The following LRRTM4 variants were observed in gnomAD, a reference collection of about 807,000 sequenced individuals.
LRRTM4 encodes the protein leucine rich repeat transmembrane neuronal 4.
A neutral mutation model predicts 47.6 loss-of-function variants in LRRTM4; 25 were observed. The observed-to-expected ratio is 0.53, with a 90% confidence interval of 0.38 to 0.73. The LOEUF is 0.73. Ranked by LOEUF, LRRTM4 falls within the 30% of genes least tolerant of loss-of-function variation. The pLI, the probability that LRRTM4 is intolerant of heterozygous loss-of-function variation, is 0.00. For synonymous variants in LRRTM4, 311 were observed against 269.5 expected (o/e 1.15, Z -1.51); for missense variants, 638 against 713.4 (o/e 0.89, Z 1.20).
At chr2:77,025,236 T>G (rs867108441) in intron 3 of LRRTM4, among the ~76,000 whole-genome samples, 4 of 152,278 alleles carry the variant, frequency 2.6e-5, no homozygotes, top group South Asian at 2.1e-4. Context: ...TACAGGCTGT[T>G]GATAATCCTT....
At chr2:77,429,073 C>A (rs1172729708) in intron 3 of LRRTM4, among the ~76,000 whole-genome samples, 1 of 152,024 alleles carries the variant, frequency 6.6e-6, no homozygotes, top group Non-Finnish European at 1.5e-5. Flanking sequence ...AGTGGGAGTA[C>A]ACAGTAAATT....
At chr2:77,040,151 TAA>T (rs1405479139) in intron 3 of LRRTM4, among the ~76,000 whole-genome samples, 2 of 151,274 alleles carry the variant, frequency 1.3e-5, no homozygotes, top group East Asian at 3.9e-4. Context: ...TGAATCCATA[TAA>T]AACTATTGAG....
chr2:77,215,214 A>G (rs1674402357), intron 3 of LRRTM4, among the ~76,000 whole-genome samples: 1 of 152,200 alleles, frequency 6.6e-6, no homozygotes, highest in African/African-American at 2.4e-5. Flanking sequence ...CACATTTATG[A>G]GAGACAAAAA....
In LRRTM4 at chr2:76,797,260, G is replaced by A. The variant is rs558382164; in HGVS notation, c.1552-48344C>T. Among the ~76,000 whole-genome samples the A allele has an allele frequency of 7.0e-3, 1,068 of 152,130 alleles. 12 individuals are homozygous for A. The highest frequency in any genetic ancestry group is 0.024 in the African/African-American group (991 of 41,512). ...AAGGGAAGCCCATCAGACAAACAGCGGATCTCTCAGCAGAAACCCTACAAG... is the reference window on the plus strand; with the variant it reads ...AAGGGAAGCCCATCAGACAAACAGCAGATCTCTCAGCAGAAACCCTACAAG... On this transcript the variant is annotated intron_variant, in intron 3 of 3. Coordinates refer to ENST00000409884, the MANE Select transcript of LRRTM4 (RefSeq NM_001134745.3).
At chr2:76,764,859 C>T (rs1673395504) in intron 3 of LRRTM4, among the ~76,000 whole-genome samples, 2 of 152,152 alleles carry the variant, frequency 1.3e-5, no homozygotes, top group Admixed American at 1.3e-4. Context: ...TCTGGGCTGC[C>T]CCTCCCACCA....
chr2:76,873,700 C>T (rs929442228), intron 3 of LRRTM4, among the ~76,000 whole-genome samples: 2 of 151,382 alleles, frequency 1.3e-5, no homozygotes, highest in Non-Finnish European at 2.9e-5. Context: ...TTCTGGGTAA[C>T]ATTTTACCAA....
chr2:77,415,572 T>C (rs982824562), intron 3 of LRRTM4, among the ~76,000 whole-genome samples: 1 of 152,202 alleles, frequency 6.6e-6, no homozygotes, highest in Non-Finnish European at 1.5e-5. Context: ...TTGCACATAC[T>C]GTTCATTTTG....
At chr2:76,874,874 G>C (rs1445764797) in intron 3 of LRRTM4, among the ~76,000 whole-genome samples, 1 of 151,244 alleles carries the variant, frequency 6.6e-6, no homozygotes, top group African/African-American at 2.5e-5. Flanking sequence ...AGTAGCCTTA[G>C]CTCTCATGTT....
chr2:77,073,354 A>C (rs185175624), intron 3 of LRRTM4, among the ~76,000 whole-genome samples: 81 of 152,012 alleles, frequency 5.3e-4, no homozygotes, highest in Non-Finnish European at 9.4e-4. Flanking sequence ...AATTCTTCTT[A>C]CTTAGTGTAA....
chr2:76,762,936 C>T (rs1673310170), intron 3 of LRRTM4, among the ~76,000 whole-genome samples: 1 of 152,066 alleles, frequency 6.6e-6, no homozygotes, highest in South Asian at 2.1e-4. Flanking sequence ...ACTTCTATCC[C>T]CTTGATGGGT....
chr2:77,017,645 A>G (rs1165681366), intron 3 of LRRTM4, among the ~76,000 whole-genome samples: 2 of 152,164 alleles, frequency 1.3e-5, no homozygotes, highest in South Asian at 4.1e-4. Flanking sequence ...TAAACCAAAT[A>G]CACTTTGTAT....
intron 3 of LRRTM4, among the ~76,000 whole-genome samples, chr2:77,416,075 T>G (rs1296726911): frequency 6.6e-6 from 1 of 152,138 alleles, no homozygotes; most frequent in Non-Finnish European, 1.5e-5. Flanking sequence ...TTATTTTCTT[T>G]TCACAGTTCA....
chr2:77,121,901 TTTAAA>T (rs1671530690), intron 3 of LRRTM4, among the ~76,000 whole-genome samples: 1 of 151,870 alleles, frequency 6.6e-6, no homozygotes, highest in African/African-American at 2.4e-5. Flanking sequence ...ATAAATCTGA[TTTAAA>T]TTAATGTCTG....
intron 3 of LRRTM4, among the ~76,000 whole-genome samples, chr2:76,809,271 C>G (rs1670655705): frequency 6.6e-6 from 1 of 152,098 alleles, no homozygotes; most frequent in Non-Finnish European, 1.5e-5. Context: ...AAGCTTTACA[C>G]CTTATAAAAT....
At chr2:77,163,289 GA>G (rs1024086125) in intron 3 of LRRTM4, among the ~76,000 whole-genome samples, 1 of 151,874 alleles carries the variant, frequency 6.6e-6, no homozygotes. Context: ...AAAAGAGTAA[GA>G]AAAATGAACA....
At chr2:77,055,171 G>A (rs1293035035) in intron 3 of LRRTM4, among the ~76,000 whole-genome samples, 5 of 151,334 alleles carry the variant, frequency 3.3e-5, no homozygotes, top group African/African-American at 9.7e-5. Context: ...CCTCTGCCAT[G>A]ACAGCCTGCC....
intron 3 of LRRTM4, among the ~76,000 whole-genome samples, chr2:77,105,306 G>T (rs544019597): frequency 3.3e-4 from 50 of 152,182 alleles, no homozygotes; most frequent in African/African-American, 1.2e-3. Flanking sequence ...ATTAAAAAAA[G>T]AATCCAGTCT....
chr2:76,782,669 C>T (rs1674466883), intron 3 of LRRTM4, among the ~76,000 whole-genome samples: 1 of 152,086 alleles, frequency 6.6e-6, no homozygotes, highest in Non-Finnish European at 1.5e-5. Flanking sequence ...TACCTGTTAA[C>T]TTTTTCTGAT....
At chr2:77,398,902 A>T (rs1346489531) in intron 3 of LRRTM4, among the ~76,000 whole-genome samples, 1 of 151,726 alleles carries the variant, frequency 6.6e-6, no homozygotes, top group African/African-American at 2.4e-5. Context: ...CAGGGGAAAG[A>T]GGTGCTTTGT....
Sources: gnomAD v4.1 joint callset for allele counts (sites outside exome capture counted in the v4.1 genomes callset) on GRCh38, gnomAD v4.1.1 for gene constraint, MANE v1.5 for transcripts, NCBI Gene and HGNC (gene_info 2026-07-23, HGNC 2026-07-21) for gene names.